The following NEDD4L variants were observed in gnomAD, a reference collection of about 807,000 sequenced individuals.
NEDD4L encodes the protein NEDD4 like E3 ubiquitin protein ligase.
NEDD4L carries 54 observed loss-of-function variants against 148.9 expected under a neutral mutation model. That is an observed-to-expected ratio of 0.36 (90% confidence interval 0.29 to 0.45). The LOEUF (loss-of-function observed/expected upper bound fraction) is 0.45, where lower values mean the gene tolerates loss of function less well. NEDD4L is among the 20% of genes least tolerant of loss of function. NEDD4L has a pLI of 1.00. For missense variants in NEDD4L, 856 were observed against 1,233.8 expected (o/e 0.69, Z 4.59); for synonymous variants, 433 against 440.7 (o/e 0.98, Z 0.22).
chr18:58,126,328 A>G (rs2031086271), intron 1 of NEDD4L, among the ~76,000 whole-genome samples: 2 of 152,172 alleles, frequency 1.3e-5, no homozygotes, highest in South Asian at 4.1e-4. Flanking sequence ...GGAGAACCCT[A>G]TCTTTCTGTC....
At chr18:58,227,279 A>G (rs1027412472) in intron 2 of NEDD4L, among the ~76,000 whole-genome samples, 1 of 152,174 alleles carries the variant, frequency 6.6e-6, no homozygotes, top group Non-Finnish European at 1.5e-5. Context: ...GGTGCCAGTG[A>G]CAACTTGTTG....
chr18:58,285,516 C>T (rs1473816383), intron 5 of NEDD4L, among the ~76,000 whole-genome samples: 1 of 152,096 alleles, frequency 6.6e-6, no homozygotes, highest in East Asian at 1.9e-4. Context: ...CTACCCCTAG[C>T]CTGATGCCCT....
chr18:58,346,380 A>G (rs1199735875), intron 16 of NEDD4L, among the ~76,000 whole-genome samples: 1 of 152,214 alleles, frequency 6.6e-6, no homozygotes, highest in Non-Finnish European at 1.5e-5. Context: ...TTGAAATTCA[A>G]AGCCCCTCTG....
intron 1 of NEDD4L, among the ~76,000 whole-genome samples, chr18:58,109,455 G>A (rs1421493520): frequency 2.0e-5 from 3 of 152,166 alleles, no homozygotes; most frequent in Admixed American, 2.0e-4. Flanking sequence ...CACATGGCAT[G>A]GTTGGAAAAT....
At chr18:58,130,480 G>C (rs1475978040) in intron 1 of NEDD4L, among the ~76,000 whole-genome samples, 1 of 142,888 alleles carries the variant, frequency 7.0e-6, no homozygotes, top group Admixed American at 6.9e-5. Flanking sequence ...AACTGTGGCG[G>C]TGTTGGGCTC....
intron 1 of NEDD4L, among the ~76,000 whole-genome samples, chr18:58,099,325 C>G (rs143899201): frequency 8.5e-4 from 130 of 152,260 alleles, no homozygotes; most frequent in African/African-American, 3.1e-3. Flanking sequence ...GGCCTGTTGT[C>G]TTACTCATCT....
chr18:58,318,077 A>T (rs2058448683), intron 6 of NEDD4L, among the ~76,000 whole-genome samples: 1 of 152,140 alleles, frequency 6.6e-6, no homozygotes, highest in Non-Finnish European at 1.5e-5. Flanking sequence ...CTCATGGGGA[A>T]ATTACAGTGG....
intron 1 of NEDD4L, among the ~76,000 whole-genome samples, chr18:58,130,425 T>A (rs71355676): frequency 4.2e-5 from 6 of 142,298 alleles, no homozygotes; most frequent in East Asian, 2.2e-4. Flanking sequence ...CTAGCGGAAC[T>A]GTGGCTGTGT....
chr18:58,215,532 CA>C (rs1452554977), intron 2 of NEDD4L, among the ~76,000 whole-genome samples: 1 of 152,046 alleles, frequency 6.6e-6, no homozygotes, highest in Non-Finnish European at 1.5e-5. Context: ...TGTTTTTTCT[CA>C]TTTGATTTAT....
At chr18:58,239,491 GC>G (rs1285836233) in intron 2 of NEDD4L, among the ~76,000 whole-genome samples, 2 of 152,120 alleles carry the variant, frequency 1.3e-5, no homozygotes, top group African/African-American at 2.4e-5. Flanking sequence ...GGCAACTCCT[GC>G]CCTCCCCTCT....
chr18:58,288,870 A>G lies in NEDD4L; in HGVS notation c.298-27112A>G, dbSNP rs501313. ...CAGTTAGTAAATATCACGACAAGGTATCATCGTCATCCCATGTTCTCAGTA... is the reference window on the plus strand; with the variant it reads ...CAGTTAGTAAATATCACGACAAGGTGTCATCGTCATCCCATGTTCTCAGTA... On this transcript the variant is annotated intron_variant, in intron 5 of 30. Transcript: ENST00000400345. Among the ~76,000 whole-genome samples the G allele has an allele frequency of 9.5e-4, 145 of 152,366 alleles. 1 individual carries two copies. The highest frequency in any genetic ancestry group is 6.8e-3 in the Middle Eastern group (2 of 294).
intron 1 of NEDD4L, among the ~76,000 whole-genome samples, chr18:58,048,174 A>G (rs932820542): frequency 1.3e-5 from 2 of 152,200 alleles, no homozygotes; most frequent in Non-Finnish European, 2.9e-5. Flanking sequence ...AGTCACAATC[A>G]GTGGCTTGCA....
chr18:58,181,546 G>A (rs1013624733), intron 2 of NEDD4L, among the ~76,000 whole-genome samples: 10 of 151,934 alleles, frequency 6.6e-5, no homozygotes, highest in Admixed American at 4.6e-4. Flanking sequence ...ACCTTCCCAC[G>A]TTAGACTCCC....
At chr18:58,208,500 G>A (rs1024584936) in intron 2 of NEDD4L, among the ~76,000 whole-genome samples, 2 of 152,206 alleles carry the variant, frequency 1.3e-5, no homozygotes, top group African/African-American at 4.8e-5. Flanking sequence ...TTTTATTCGA[G>A]TGTCATTTTC....
At chr18:58,304,974 G>A (rs1339327362) in intron 5 of NEDD4L, among the ~76,000 whole-genome samples, 3 of 152,200 alleles carry the variant, frequency 2.0e-5, no homozygotes, top group Non-Finnish European at 4.4e-5. Flanking sequence ...TGTGCTTTGT[G>A]CACCTGTGAA....
chr18:58,356,178 G>A (rs923072936), intron 18 of NEDD4L, among the ~76,000 whole-genome samples: 10 of 151,728 alleles, frequency 6.6e-5, no homozygotes, highest in African/African-American at 2.4e-4. Flanking sequence ...GGTTGGGCCC[G>A]AACTCCTGGC....
chr18:58,361,988 T>A (rs2045551257), intron 19 of NEDD4L, among the ~76,000 whole-genome samples: 1 of 152,212 alleles, frequency 6.6e-6, no homozygotes, highest in Non-Finnish European at 1.5e-5. Context: ...ATGTAAAAAC[T>A]TGCTCTTCTT....
intron 5 of NEDD4L, among the ~76,000 whole-genome samples, chr18:58,265,056 G>C (rs912771538): frequency 1.3e-5 from 2 of 151,888 alleles, no homozygotes; most frequent in African/African-American, 4.8e-5. Flanking sequence ...AAGGCATTGG[G>C]TGACAGATTG....
intron 1 of NEDD4L, among the ~76,000 whole-genome samples, chr18:58,072,857 GGCGCGC>G (rs563017835): frequency 2.1e-5 from 3 of 139,598 alleles, no homozygotes; most frequent in African/African-American, 5.4e-5. Context: ...AAAATCCTAA[GGCGCGC>G]GCGCGCGCGC....
Sources: allele counts gnomAD v4.1 joint callset (sites outside exome capture counted in the v4.1 genomes callset), GRCh38; gene constraint gnomAD v4.1.1; transcripts MANE v1.5; gene names NCBI Gene and HGNC (gene_info 2026-07-23, HGNC 2026-07-21).